DNAH5: variants seen among roughly 807,000 people sequenced by gnomAD.
DNAH5 encodes the protein axonemal beta dynein heavy chain 5.
DNAH5 carries 372 observed loss-of-function variants against 518.2 expected under a neutral mutation model. That is an observed-to-expected ratio of 0.72 (90% CI 0.66 to 0.78). DNAH5 has a LOEUF of 0.78. DNAH5 is among the 30% of genes least tolerant of loss of function. The pLI is 0.00. For synonymous variants in DNAH5, 2,039 were observed against 2,025.9 expected (o/e 1.01, Z -0.17); for missense variants, 5,523 against 5,687.0 (o/e 0.97, Z 0.93).
At chr5:13,955,685 T>C (rs1036033187) in intron 1 of DNAH5, among the ~76,000 whole-genome samples, 2 of 152,058 alleles carry the variant, frequency 1.3e-5, no homozygotes, top group African/African-American at 4.8e-5. Flanking sequence ...CAAACTGTTA[T>C]CCTCATTTGG....
chr5:13,804,799 C>T (rs781374021), intron 47 of DNAH5, among the ~76,000 whole-genome samples: 3 of 152,128 alleles, frequency 2.0e-5, no homozygotes, highest in Non-Finnish European at 4.4e-5. Flanking sequence ...GAATATGGTA[C>T]CACTTCTAGA....
intron 1 of DNAH5, among the ~76,000 whole-genome samples, chr5:13,975,219 C>T (rs539081976): frequency 2.4e-4 from 37 of 152,254 alleles, no homozygotes; most frequent in South Asian, 6.2e-4. Context: ...CACATGGCGG[C>T]GGCAAGAAAG....
intron 1 of DNAH5, among the ~76,000 whole-genome samples, chr5:13,970,527 C>T (rs1781797379): frequency 6.6e-6 from 1 of 151,970 alleles, no homozygotes; most frequent in African/African-American, 2.4e-5. Flanking sequence ...CTGAAAAAGA[C>T]TATCTTTTTC....
At chr5:13,721,307 G>C in intron 70 of DNAH5, 62 bp from the exon 71 acceptor site, 1 of 1,606,228 alleles carries the variant, frequency 6.2e-7, no homozygotes, top group Non-Finnish European at 8.5e-7. Context: ...AGATAATGTA[G>C]TGTGGTTTCC....
chr5:13,848,840 A>C (rs1454157898), intron 31 of DNAH5, among the ~76,000 whole-genome samples: 1 of 152,140 alleles, frequency 6.6e-6, no homozygotes, highest in East Asian at 1.9e-4. Context: ...ACCTTCGCTC[A>C]CTCACCTGCT....
Position 13,705,078 on chromosome 5 carries a change from G to A in DNAH5, c.13338+3045C>T, listed in dbSNP as rs192729171. Reference sequence around the variant, plus strand: ...GCGACCTTGGCTCACTGCAGGTTCCGCCTCCCAGGTTCACGCCATTCTCCT... The same window carrying A: ...GCGACCTTGGCTCACTGCAGGTTCCACCTCCCAGGTTCACGCCATTCTCCT... On this transcript the variant is annotated intron_variant, in intron 76 of 78. Transcript: ENST00000265104. 2.3e-4 allele frequency among the ~76,000 whole-genome samples: 35 copies of A among 151,618 alleles called. No individual in the cohort carries two copies. The East Asian group carries it at 6.4e-3, about 28-fold the overall frequency.
intron 28 of DNAH5, among the ~76,000 whole-genome samples, chr5:13,863,350 C>A (rs1045950157): frequency 2.0e-5 from 3 of 152,152 alleles, no homozygotes; most frequent in Non-Finnish European, 4.4e-5. Context: ...AACTTCCCTG[C>A]TGAGATGTTT....
At chr5:13,988,416 AT>A (rs34546274) in intron 1 of DNAH5, among the ~76,000 whole-genome samples, 12,200 of 148,000 alleles carry the variant, frequency 0.082, 1,206 homozygotes, top group African/African-American at 0.24. Flanking sequence ...CAAAACACCA[AT>A]TTTTTTTTTT....
chr5:13,983,672 C>T (rs1487015435), intron 1 of DNAH5, among the ~76,000 whole-genome samples: 1 of 152,146 alleles, frequency 6.6e-6, no homozygotes, highest in Non-Finnish European at 1.5e-5. Flanking sequence ...ATGAGCAGAG[C>T]CCCCCAGGCT....
intron 22 of DNAH5, 61 bp from the exon 23 acceptor site, chr5:13,871,826 G>T: frequency 7.1e-7 from 1 of 1,417,592 alleles, no homozygotes; most frequent in Non-Finnish European, 9.9e-7. Flanking sequence ...AATGATATAA[G>T]TGAATATTTA....
At chr5:13,839,932 A>G (rs1026307939) in intron 34 of DNAH5, among the ~76,000 whole-genome samples, 5 of 152,214 alleles carry the variant, frequency 3.3e-5, no homozygotes, top group African/African-American at 1.2e-4. Flanking sequence ...ATCTCTTAAG[A>G]CTATAACAAA....
chr5:13,991,198 G>T (rs959547055), intron 1 of DNAH5, among the ~76,000 whole-genome samples: 1 of 152,154 alleles, frequency 6.6e-6, no homozygotes, highest in Non-Finnish European at 1.5e-5. Flanking sequence ...AAGGGAAAAT[G>T]CCTAAGCTAA....
At chr5:13,977,817 G>A (rs1322596950) in intron 1 of DNAH5, among the ~76,000 whole-genome samples, 1 of 152,180 alleles carries the variant, frequency 6.6e-6, no homozygotes, top group African/African-American at 2.4e-5. Flanking sequence ...GGGTTCATAA[G>A]AGTTGAATTA....
chr5:13,749,533 G>C (rs1305647309), intron 65 of DNAH5, among the ~76,000 whole-genome samples: 1 of 152,158 alleles, frequency 6.6e-6, no homozygotes, highest in African/African-American at 2.4e-5. Context: ...TGTTGTTGCT[G>C]TTGCTGTTGT....
intron 1 of DNAH5, among the ~76,000 whole-genome samples, chr5:13,959,169 ACTC>A (rs1172867028): frequency 6.6e-6 from 1 of 152,094 alleles, no homozygotes; most frequent in African/African-American, 2.4e-5. Context: ...CTGGTCTCAA[ACTC>A]CTAACCTCCA....
intron 61 of DNAH5, among the ~76,000 whole-genome samples, chr5:13,756,817 G>C (rs1373088852): frequency 6.6e-6 from 1 of 152,256 alleles, no homozygotes; most frequent in African/African-American, 2.4e-5. Context: ...ATTAAGCCTA[G>C]TACTTGTCAG....
chr5:13,914,247 T>C (rs1776375641), intron 10 of DNAH5, among the ~76,000 whole-genome samples: 1 of 152,192 alleles, frequency 6.6e-6, no homozygotes. Flanking sequence ...TCTCCATTCA[T>C]CTTAAAGATG....
intron 76 of DNAH5, among the ~76,000 whole-genome samples, chr5:13,704,653 G>C (rs1457602548): frequency 6.6e-6 from 1 of 152,192 alleles, no homozygotes; most frequent in Non-Finnish European, 1.5e-5. Context: ...TAGTTCACTT[G>C]TTCAAGGACA....
chr5:13,838,981 C>CT (rs1489774748), intron 35 of DNAH5, among the ~76,000 whole-genome samples: 1 of 119,656 alleles, frequency 8.4e-6, no homozygotes, highest in African/African-American at 3.5e-5. Context: ...TTCTTTCCTG[C>CT]TTAAAAAAAA....
Sources: gnomAD v4.1 joint callset for allele counts (sites outside exome capture counted in the v4.1 genomes callset) on GRCh38, gnomAD v4.1.1 for gene constraint, MANE v1.5 for transcripts, NCBI Gene and HGNC (gene_info 2026-07-23, HGNC 2026-07-21) for gene names.